The following HERC4 variants were observed in gnomAD, a reference collection of about 807,000 sequenced individuals.
HERC4 encodes probable E3 ubiquitin-protein ligase HERC4.
A neutral mutation model predicts 124.3 loss-of-function variants in HERC4; 28 were observed. The observed-to-expected ratio is 0.23, with a 90% CI of 0.17 to 0.31. HERC4 has a LOEUF of 0.31. Ranked by LOEUF, HERC4 falls within the 10% of genes least tolerant of loss-of-function variation. HERC4 has a pLI of 1.00. For synonymous variants in HERC4, 407 were observed against 421.5 expected, an observed-to-expected ratio of 0.97 and a Z score of 0.42; for missense variants, 713 against 1,229.3, an observed-to-expected ratio of 0.58 and a Z score of 6.28.
At chr10:68,059,459 A>AATAATATTATATATT (rs1228978975) in intron 3 of HERC4, among the ~76,000 whole-genome samples, 10,987 of 81,624 alleles carry the variant, frequency 0.13, 1,121 homozygotes, top group African/African-American at 0.38. Context: ...TATATATTAT[A>AATAATATTATATATT]ATAATATTAT....
At chr10:68,042,620 C>T (rs1348751952) in intron 4 of HERC4, among the ~76,000 whole-genome samples, 1 of 152,078 alleles carries the variant, frequency 6.6e-6, no homozygotes, top group Non-Finnish European at 1.5e-5. Flanking sequence ...GAGACTTTGT[C>T]TCAAGAAACA....
intron 9 of HERC4, chr10:68,010,207 G>C: frequency 9.3e-7 from 1 of 1,073,638 alleles, no homozygotes; most frequent in South Asian, 1.3e-5. Flanking sequence ...AGGCACCTCA[G>C]TTTGAATGCA....
intron 15 of HERC4, among the ~76,000 whole-genome samples, chr10:67,975,805 G>C (rs1201390482): frequency 1.3e-5 from 2 of 152,110 alleles, no homozygotes; most frequent in Non-Finnish European, 2.9e-5. Flanking sequence ...ATTGACAAAA[G>C]CACTTTCAGT....
intron 15 of HERC4, among the ~76,000 whole-genome samples, chr10:67,969,458 C>T (rs767886364): frequency 1.3e-5 from 2 of 151,862 alleles, no homozygotes; most frequent in Non-Finnish European, 2.9e-5. Flanking sequence ...CAACTGGAAA[C>T]AAGGCAGAGG....
chr10:67,990,583 A>G (rs949849896), intron 13 of HERC4, among the ~76,000 whole-genome samples, 183 bp from the exon 14 acceptor site: 1 of 152,114 alleles, frequency 6.6e-6, no homozygotes, highest in Non-Finnish European at 1.5e-5. Flanking sequence ...TTGGAGCACA[A>G]TGAAAATTAA....
chr10:68,058,234 T>C (rs1011471380), intron 3 of HERC4, among the ~76,000 whole-genome samples: 2 of 152,170 alleles, frequency 1.3e-5, no homozygotes, highest in African/African-American at 4.8e-5. Context: ...AATTTTGGCA[T>C]AGTCTTTGAA....
In HERC4 at chr10:68,034,004, G is replaced by T; in HGVS notation, c.646C>A (p.Arg216Ser). The T allele has an allele frequency of 1.9e-6, 3 of 1,613,970 alleles. No homozygotes were observed. Among genetic ancestry groups the T allele is most frequent in the Non-Finnish European group, 2.5e-6 (3 of 1,179,982 alleles). Residue 216 changes from arginine (R) to serine (S), a missense_variant, in exon 6 of 25, where the codon CGC becomes AGC. Transcript: ENST00000373700. ...TLSGAIFGWG[R>S]NKFGQLGLND... ...AGACCTAGCTGACCAAACTTGTTGC[G>T]TCCCCATCCAAAGATAGCTCCAGAA...
chr10:67,955,951 C>G (rs2034118038), intron 17 of HERC4: 1 of 152,052 alleles, frequency 6.6e-6, no homozygotes, highest in Non-Finnish European at 1.5e-5. Context: ...AATGGAATAT[C>G]CCATGGTAAA....
chr10:68,063,140 T>A (rs1460446976), intron 3 of HERC4, among the ~76,000 whole-genome samples: 1 of 152,194 alleles, frequency 6.6e-6, no homozygotes, highest in Non-Finnish European at 1.5e-5. Context: ...TGTTTTCTAT[T>A]CCCTACTAGA....
intron 9 of HERC4, chr10:68,010,954 T>C (rs576207977): frequency 1.1e-5 from 11 of 992,876 alleles, no homozygotes; most frequent in Admixed American, 2.0e-5. Flanking sequence ...AGTTCTCTTG[T>C]TATTTCCACC....
chr10:67,979,933 T>A (rs2035828048), intron 15 of HERC4, among the ~76,000 whole-genome samples: 1 of 147,278 alleles, frequency 6.8e-6, no homozygotes, highest in African/African-American at 2.5e-5. Context: ...CAAGACTCCA[T>A]CTCAAAAAAA....
intron 9 of HERC4, among the ~76,000 whole-genome samples, chr10:68,001,591 T>C (rs2037236982): frequency 6.6e-6 from 1 of 152,162 alleles, no homozygotes; most frequent in African/African-American, 2.4e-5. Flanking sequence ...AAAATATACA[T>C]AAAATTTACA....
At chr10:67,967,777 G>A (rs1368879215) in intron 15 of HERC4, among the ~76,000 whole-genome samples, 2 of 151,946 alleles carry the variant, frequency 1.3e-5, no homozygotes, top group Non-Finnish European at 2.9e-5. Context: ...CTAAATTTTA[G>A]TTTATAGGAA....
At chr10:67,959,287 C>T in intron 16 of HERC4, 1 of 533,822 alleles carries the variant, frequency 1.9e-6, no homozygotes, top group Non-Finnish European at 3.2e-6. Context: ...CAATCAAATA[C>T]ACCCCCTACA....
At chr10:67,931,998 C>A (rs148070047) in intron 23 of HERC4, among the ~76,000 whole-genome samples, 317 of 152,154 alleles carry the variant, frequency 2.1e-3, no homozygotes, top group Non-Finnish European at 3.9e-3. Context: ...TGCTCTGCTG[C>A]CCAGGGTGGA....
At chr10:68,056,003 C>T (rs1466740901) in intron 3 of HERC4, among the ~76,000 whole-genome samples, 1 of 152,140 alleles carries the variant, frequency 6.6e-6, no homozygotes, top group Non-Finnish European at 1.5e-5. Flanking sequence ...TGGCCTCAGT[C>T]TCCCAAAGTG....
chr10:67,992,083 G>A (rs2036581604), intron 11 of HERC4, 116 bp downstream of exon 11: 1 of 894,366 alleles, frequency 1.1e-6, no homozygotes, highest in Non-Finnish European at 1.7e-6. Context: ...TTTTTGTAGA[G>A]ACAGGGTTTT....
At chr10:67,960,392 T>A (rs1311443489) in intron 16 of HERC4, among the ~76,000 whole-genome samples, 4 of 149,234 alleles carry the variant, frequency 2.7e-5, no homozygotes, top group East Asian at 1.9e-4. Context: ...AAGCCTAAAA[T>A]TTTTTTTTTT....
At position 68,044,427 on chromosome 10, in the gene HERC4, T is replaced by C; in HGVS notation, c.363A>G (p.Ser121=). The change falls in exon 4 of 25, where the codon TCA becomes TCG. Residue 121 remains serine, a synonymous_variant. Transcript: ENST00000373700. ...ACCTGGGTACTCTGATGCATTCCTC[T>C]GATCCTACCAGGCCAAGCTGTCCAT... ...DSDGQLGLVG[S]EECIRVPRNI... 9.3e-6 allele frequency: 15 copies of C among 1,614,000 alleles called. No individual in the cohort carries two copies. The highest frequency in any genetic ancestry group is 1.3e-5 in the Non-Finnish European group (15 of 1,179,980).
Sources: gnomAD v4.1 joint callset for allele counts (sites outside exome capture counted in the v4.1 genomes callset) on GRCh38, gnomAD v4.1.1 for gene constraint, MANE v1.5 for transcripts, NCBI Gene and HGNC (gene_info 2026-07-23, HGNC 2026-07-21) for gene names.